SGCD: variants seen among roughly 807,000 people sequenced by gnomAD.
SGCD encodes the protein sarcoglycan delta.
Under a neutral mutation model 36.6 loss-of-function variants are expected in SGCD, and 18 were observed. The observed-to-expected ratio is 0.49, with a 90% CI of 0.34 to 0.73. SGCD has a LOEUF of 0.73. Among genes scored for constraint, SGCD ranks in the 30% least tolerant of loss-of-function variants. The pLI is 0.01. For synonymous variants in SGCD, 133 were observed against 130.6 expected (o/e 1.02, Z -0.12); for missense variants, 387 against 346.7 (o/e 1.12, Z -0.92).
chr5:155,772,395 T>C, the SGCD span, among the ~76,000 whole-genome samples: 95 of 152,164 alleles, frequency 6.2e-4, no homozygotes, highest in African/African-American at 1.7e-4. Flanking sequence ...GGAGGGACAG[T>C]CTGGCTAGAG....
chr5:156,360,228 A>G (rs1044955199), intron 3 of SGCD, among the ~76,000 whole-genome samples: 1 of 150,342 alleles, frequency 6.7e-6, no homozygotes, highest in Non-Finnish European at 1.5e-5. Context: ...TATTTTACAT[A>G]TACCTACCCT....
the SGCD span, among the ~76,000 whole-genome samples, chr5:155,756,691 T>C: frequency 1.1e-4 from 16 of 152,236 alleles, no homozygotes; most frequent in Admixed American, 1.0e-3. Flanking sequence ...CTAGAATTGA[T>C]ATAAAAACAT....
chr5:156,422,041 A>G (rs893164430), intron 3 of SGCD, among the ~76,000 whole-genome samples: 10 of 152,096 alleles, frequency 6.6e-5, no homozygotes, highest in Non-Finnish European at 1.3e-4. Flanking sequence ...GTGATTTCCA[A>G]TGAAGGTCAG....
chr5:155,842,019 T>G, the SGCD span, among the ~76,000 whole-genome samples: 1 of 152,074 alleles, frequency 6.6e-6, no homozygotes, highest in South Asian at 2.1e-4. Flanking sequence ...ACTTTGTCAC[T>G]AGGAGCTTGG....
chr5:155,768,116 A>G, the SGCD span, among the ~76,000 whole-genome samples: 5 of 152,124 alleles, frequency 3.3e-5, no homozygotes, highest in Admixed American at 2.0e-4. Context: ...CCATTTTTAG[A>G]GGAGAAAAAT....
chr5:156,311,478 G>T (rs1767387233), intron 3 of SGCD, among the ~76,000 whole-genome samples: 1 of 152,084 alleles, frequency 6.6e-6, no homozygotes, highest in African/African-American at 2.4e-5. Flanking sequence ...AAGTAAATCT[G>T]TTTTAAAAAT....
At chr5:156,686,534 C>T (rs1176607309) in intron 7 of SGCD, among the ~76,000 whole-genome samples, 1 of 152,174 alleles carries the variant, frequency 6.6e-6, no homozygotes, top group Non-Finnish European at 1.5e-5. Flanking sequence ...GTATCTTGCA[C>T]ACCATGGGTC....
rs190929395 is a variant in SGCD at position 156,583,940 on chromosome 5, A to G, written c.295-5291A>G. ...CATACTGAAGTAGACTCCAGAGAGAATAAAGACTTAATATGAAAAGTAAAA... is the reference window on the plus strand; with the variant it reads ...CATACTGAAGTAGACTCCAGAGAGAGTAAAGACTTAATATGAAAAGTAAAA... On this transcript the variant is annotated intron_variant, in intron 4 of 8. Transcript: ENST00000337851. Among the ~76,000 whole-genome samples the G allele has an allele frequency of 2.0e-3, 300 of 152,346 alleles. 1 individual carries two copies. Among genetic ancestry groups the G allele is most frequent in the Non-Finnish European group, 3.7e-3 (252 of 68,032 alleles).
chr5:155,891,558 C>CTTTTT (rs372399423), intron 1 of SGCD, among the ~76,000 whole-genome samples: 1,275 of 60,724 alleles, frequency 0.021, 163 homozygotes, highest in African/African-American at 0.025. Context: ...AATAAATACT[C>CTTTTT]TTTTTTTTTT....
chr5:156,222,514 T>C (rs1271499459), intron 3 of SGCD, among the ~76,000 whole-genome samples: 2 of 152,206 alleles, frequency 1.3e-5, no homozygotes, highest in East Asian at 1.9e-4. Context: ...TACATTGCTG[T>C]TATATCTTTG....
At chr5:156,221,390 T>C (rs1764712424) in intron 3 of SGCD, among the ~76,000 whole-genome samples, 1 of 152,132 alleles carries the variant, frequency 6.6e-6, no homozygotes, top group South Asian at 2.1e-4. Context: ...AAATGCAATA[T>C]AGTTAACAAC....
intron 3 of SGCD, among the ~76,000 whole-genome samples, chr5:156,172,422 T>C (rs1763367554): frequency 6.6e-6 from 1 of 152,256 alleles, no homozygotes; most frequent in South Asian, 2.1e-4. Flanking sequence ...TTTGTGTTCA[T>C]CATGACCATG....
chr5:156,218,786 G>A (rs138764213), intron 3 of SGCD, among the ~76,000 whole-genome samples: 2,387 of 152,244 alleles, frequency 0.016, 35 homozygotes, highest in Non-Finnish European at 0.024. Flanking sequence ...TATTCAGCCT[G>A]CCAATATAAA....
At chr5:156,583,345 C>T (rs1760359897) in intron 4 of SGCD, among the ~76,000 whole-genome samples, 1 of 152,162 alleles carries the variant, frequency 6.6e-6, no homozygotes, top group African/African-American at 2.4e-5. Flanking sequence ...GTTGCCTCTC[C>T]AATTGCCAAG....
intron 3 of SGCD, among the ~76,000 whole-genome samples, chr5:156,224,981 A>G (rs374898330): frequency 1.8e-4 from 28 of 152,248 alleles, no homozygotes; most frequent in Middle Eastern, 6.8e-3. Context: ...TATATTTCCC[A>G]TTAGGTTGGC....
At chr5:155,789,809 T>C in the SGCD span, among the ~76,000 whole-genome samples, 1 of 152,090 alleles carries the variant, frequency 6.6e-6, no homozygotes, top group Admixed American at 6.6e-5. Context: ...AATTCAGAGG[T>C]TGGTAGAAGT....
At chr5:155,895,599 T>A (rs749118166) in intron 1 of SGCD, among the ~76,000 whole-genome samples, 3 of 151,944 alleles carry the variant, frequency 2.0e-5, no homozygotes, top group Non-Finnish European at 2.9e-5. Flanking sequence ...TTTAAATAAA[T>A]ACATTTGGAC....
At chr5:156,077,762 A>G (rs957994109) in intron 1 of SGCD, among the ~76,000 whole-genome samples, 8 of 152,134 alleles carry the variant, frequency 5.3e-5, no homozygotes, top group Middle Eastern at 6.8e-3. Flanking sequence ...TGGAAATCCC[A>G]TCTCCCTTGG....
rs546276943 is a variant in SGCD at position 156,257,693 on chromosome 5, G to A, written c.-43-71841G>A. Among the ~76,000 whole-genome samples, 26 of 151,990 alleles carry A rather than the reference G, an allele frequency of 1.7e-4. No homozygotes were observed. In the South Asian group the frequency reaches 2.7e-3, roughly 16 times the overall value. The stretch of plus-strand genomic sequence containing the variant: ...AGCCTGGCCAACATGGTGAAACCCC[G>A]TGTCTACTAAAAACACAAAAATTAG... On this transcript the variant is annotated intron_variant, in intron 3 of 9. Transcript: ENST00000517913.
Sources: allele counts gnomAD v4.1 joint callset (sites outside exome capture counted in the v4.1 genomes callset), GRCh38; gene constraint gnomAD v4.1.1; transcripts MANE v1.5; gene names NCBI Gene and HGNC (gene_info 2026-07-23, HGNC 2026-07-21).